Variants in PBX1 observed in about 807,000 individuals in gnomAD.
PBX1 encodes PBX homeobox 1.
PBX1 carries 6 observed loss-of-function variants against 53.4 expected under a neutral mutation model. That is an observed-to-expected ratio of 0.11 (90% CI 0.06 to 0.22). The LOEUF is 0.22. PBX1 is among the 10% of genes least tolerant of loss of function. PBX1 has a pLI of 1.00. For synonymous variants in PBX1, 204 were observed against 212.3 expected (o/e 0.96, Z 0.34); for missense variants, 251 against 551.4 (o/e 0.46, Z 5.46).
At chr1:164,736,333 C>A (rs187332429) in intron 2 of PBX1, among the ~76,000 whole-genome samples, 1 of 152,210 alleles carries the variant, frequency 6.6e-6, no homozygotes, top group Admixed American at 6.5e-5. Context: ...TTTTTGAGCT[C>A]GGGGGAACCA....
At chr1:164,758,327 G>A (rs1172111707) in intron 2 of PBX1, among the ~76,000 whole-genome samples, 1 of 152,114 alleles carries the variant, frequency 6.6e-6, no homozygotes, top group Non-Finnish European at 1.5e-5. Context: ...GGTGTCATGG[G>A]TTACAGCTAA....
chr1:164,688,721 C>T (rs1179897237), intron 2 of PBX1, among the ~76,000 whole-genome samples: 1 of 152,222 alleles, frequency 6.6e-6, no homozygotes, highest in Non-Finnish European at 1.5e-5. Context: ...CCCCCAATAT[C>T]TCCCCTTCTA....
At chr1:164,581,763 G>A (rs1654633258) in intron 2 of PBX1, among the ~76,000 whole-genome samples, 1 of 152,144 alleles carries the variant, frequency 6.6e-6, no homozygotes, top group South Asian at 2.1e-4. Context: ...TTATTACCAA[G>A]AAGACCTTAA....
intron 2 of PBX1, among the ~76,000 whole-genome samples, chr1:164,744,271 G>A (rs923940506): frequency 2.0e-5 from 3 of 152,260 alleles, no homozygotes; most frequent in African/African-American, 7.2e-5. Context: ...GCCTAATCTT[G>A]TAACTTTGGA....
chr1:164,712,761 G>A (rs1448527554), intron 2 of PBX1, among the ~76,000 whole-genome samples: 1 of 152,148 alleles, frequency 6.6e-6, no homozygotes, highest in Non-Finnish European at 1.5e-5. Context: ...TCCTGGCCTG[G>A]TGTGTGGGCC....
intron 2 of PBX1, among the ~76,000 whole-genome samples, chr1:164,615,745 T>C (rs1436420394): frequency 6.6e-6 from 1 of 152,174 alleles, no homozygotes; most frequent in Non-Finnish European, 1.5e-5. Flanking sequence ...AGCATTTAAT[T>C]GTGCCCACCA....
intron 2 of PBX1, among the ~76,000 whole-genome samples, chr1:164,864,220 A>G (rs1558051630): frequency 6.6e-6 from 1 of 152,060 alleles, no homozygotes; most frequent in South Asian, 2.1e-4. Flanking sequence ...TACTTTCTCC[A>G]TTATTAACCC....
intron 2 of PBX1, among the ~76,000 whole-genome samples, chr1:164,678,097 T>G (rs1481573866): frequency 6.6e-6 from 1 of 152,130 alleles, no homozygotes; most frequent in Non-Finnish European, 1.5e-5. Context: ...TAGTGGGGAA[T>G]CATTGTGGGT....
At chr1:164,618,572 C>G (rs373769461) in intron 2 of PBX1, among the ~76,000 whole-genome samples, 9 of 152,308 alleles carry the variant, frequency 5.9e-5, no homozygotes, top group East Asian at 1.9e-4. Flanking sequence ...TCTTTATGCT[C>G]TATTTCTCAG....
chr1:164,746,537 C>A lies in PBX1; in HGVS notation c.266-45957C>A, dbSNP rs184752837. Among the ~76,000 whole-genome samples, 201 of 152,012 alleles carry A rather than the reference C, an allele frequency of 1.3e-3. 1 individual carries two copies. Among genetic ancestry groups the A allele is most frequent in the African/African-American group, 4.7e-3 (194 of 41,428 alleles). Reference sequence around the variant, plus strand: ...GATTACAGGCATGTGCCACCACGCCCGGCTAAGTTTTGTATTCTTAGTAGA... The same window carrying A: ...GATTACAGGCATGTGCCACCACGCCAGGCTAAGTTTTGTATTCTTAGTAGA... On this transcript the variant is annotated intron_variant, in intron 2 of 8. Transcript: ENST00000420696.
chr1:164,748,142 A>G (rs1665998950), intron 2 of PBX1, among the ~76,000 whole-genome samples: 2 of 152,224 alleles, frequency 1.3e-5, no homozygotes, highest in Admixed American at 1.3e-4. Flanking sequence ...TTTGAGATGC[A>G]AAGTGTTAAA....
At chr1:164,716,622 A>C (rs1664099106) in intron 2 of PBX1, among the ~76,000 whole-genome samples, 1 of 150,670 alleles carries the variant, frequency 6.6e-6, no homozygotes, top group African/African-American at 2.4e-5. Context: ...TGGGAGGCCA[A>C]AGCAGGAAGT....
intron 2 of PBX1, among the ~76,000 whole-genome samples, chr1:164,748,867 G>A (rs1666042952): frequency 6.6e-6 from 1 of 152,152 alleles, no homozygotes; most frequent in Non-Finnish European, 1.5e-5. Flanking sequence ...AGGAGCAGTG[G>A]TGTGTGATGG....
chr1:164,590,629 T>C (rs145637511), intron 2 of PBX1, among the ~76,000 whole-genome samples: 86 of 152,214 alleles, frequency 5.6e-4, no homozygotes, highest in African/African-American at 2.0e-3. Context: ...TATATATGAC[T>C]CCCAAAAGTG....
intron 2 of PBX1, among the ~76,000 whole-genome samples, chr1:164,780,066 CATG>C (rs1479490619): frequency 6.6e-6 from 1 of 152,178 alleles, no homozygotes; most frequent in Non-Finnish European, 1.5e-5. Context: ...GATGATGGTT[CATG>C]ATGACCACTG....
rs920029468 is a variant in PBX1, at chr1:164,846,814, T to C, written c.*138T>C. 34 of 1,512,242 alleles carry C rather than the reference T, an allele frequency of 2.2e-5. No individual in the cohort carries two copies. The highest frequency in any genetic ancestry group is 2.1e-4 in the Admixed American group (10 of 46,698). The allele number at this position is 1,512,242 out of a possible 1,614,324, so 93.7% of individuals were successfully genotyped here. ...AAACACAATAAGAGTCTCCTTCTCT[T>C]CTCTTCTTTGGGATGCTATTTCAGC... On this transcript the variant is annotated 3_prime_UTR_variant, in exon 9 of 9. Transcript: ENST00000420696.
At chr1:164,716,685 TACACACACACACACACACAC>T (rs375539653) in intron 2 of PBX1, among the ~76,000 whole-genome samples, 8 of 115,856 alleles carry the variant, frequency 6.9e-5, no homozygotes, top group Admixed American at 6.0e-4. Flanking sequence ...ATGTCATCTC[TACACACACACACACACACAC>T]ACACACACAC....
chr1:164,812,836 G>GAATT (rs1382381800), intron 6 of PBX1: 1 of 147,556 alleles, frequency 6.8e-6, no homozygotes, highest in African/African-American at 2.4e-5. Flanking sequence ...CATCAGTTCA[G>GAATT]AATTTCTACA....
At chr1:164,709,866 C>T (rs375238418) in intron 2 of PBX1, among the ~76,000 whole-genome samples, 2 of 152,118 alleles carry the variant, frequency 1.3e-5, no homozygotes, top group African/African-American at 4.8e-5. Context: ...CGTCTCGGGT[C>T]CGGAGTGCTG....
Sources: gnomAD v4.1 joint callset for allele counts (sites outside exome capture counted in the v4.1 genomes callset) on GRCh38, gnomAD v4.1.1 for gene constraint, MANE v1.5 for transcripts, NCBI Gene and HGNC (gene_info 2026-07-23, HGNC 2026-07-21) for gene names.